ANXA11: variants seen among roughly 807,000 people sequenced by gnomAD.
The protein encoded by ANXA11 is annexin A11.
In ANXA11, 57 loss-of-function variants were observed where a neutral mutation model predicts 64.7. The observed-to-expected ratio is 0.88, with a 90% CI of 0.71 to 1.10. ANXA11 has a LOEUF of 1.10. ANXA11 is among the 50% of genes least tolerant of loss of function. ANXA11 has a pLI of 0.00. For missense variants in ANXA11, 675 were observed against 670.7 expected, an observed-to-expected ratio of 1.01 and a Z score of -0.07; for synonymous variants, 260 against 265.2, an observed-to-expected ratio of 0.98 and a Z score of 0.19.
rs1048673966 is a variant in ANXA11 at position 80,153,427 on chromosome 10, C to T, written c.*2426G>A. On this transcript the variant is annotated 3_prime_UTR_variant, in exon 16 of 16. Coordinates refer to ENST00000422982, the MANE Select transcript of ANXA11 (RefSeq NM_145868.2). ...ACTTTGGAAACCAAAGTAAATGTGT[C>T]TGTAGGTGCAATATTGCCTGCTGGG... is the stretch of plus-strand genomic sequence containing the variant. 2 of 152,246 alleles carry T rather than the reference C, an allele frequency of 1.3e-5. No homozygotes were observed. Among genetic ancestry groups the T allele is most frequent in the Non-Finnish European group, 2.9e-5 (2 of 68,046 alleles). The allele number at this position is 152,246 out of a possible 1,614,324, so 9.4% of individuals were successfully genotyped here. A position where few individuals can be genotyped will look rare whatever the true frequency, so the allele number is the denominator to read the frequency against.
At position 80,178,210 on chromosome 10, in the gene ANXA11, G is replaced by GCTCTCTCTCT. The variant is rs3060571; in HGVS notation, c.-57-2065_-57-2056dup. Among the ~76,000 whole-genome samples, 32 of 149,248 alleles carry GCTCTCTCTCT rather than the reference G, an allele frequency of 2.1e-4. 1 individual carries two copies. The highest frequency in any genetic ancestry group is 6.9e-4 in the African/African-American group (28 of 40,626). The stretch of plus-strand genomic sequence containing the variant: ...CAGTGAGCTATAATCCAGAAGATCT[G>GCTCTCTCTCT]CTCTCTCTCTCTCTCTCTCTCTCTG... On this transcript the variant is annotated intron_variant, in intron 1 of 15. Coordinates refer to ENST00000422982, the MANE Select transcript of ANXA11 (RefSeq NM_145868.2).
chr10:80,163,709 G>C, intron 9 of ANXA11, 96 bp from the exon 10 acceptor site: 1 of 1,178,422 alleles, frequency 8.5e-7, no homozygotes. Flanking sequence ...GGGAGAAAAA[G>C]GCTGGAGGTC....
intron 15 of ANXA11, among the ~76,000 whole-genome samples, chr10:80,156,141 C>T (rs1845266779): frequency 6.6e-6 from 1 of 152,350 alleles, no homozygotes; most frequent in Middle Eastern, 3.4e-3. Flanking sequence ...CAGCTATCCA[C>T]ATCAAATGAA....
chr10:80,181,004 G>A (rs1001758781), intron 1 of ANXA11: 1 of 152,214 alleles, frequency 6.6e-6, no homozygotes, highest in Non-Finnish European at 1.5e-5. Context: ...GCAGCCTCAC[G>A]ATCTTCTCAG....
At position 80,159,123 on chromosome 10, in the gene ANXA11, A is replaced by G. The variant is rs373734382; in HGVS notation, c.1253T>C (p.Leu418Pro). The G allele has an allele frequency of 6.2e-7, 1 of 1,613,966 alleles. No homozygotes were observed. Among genetic ancestry groups the G allele is most frequent in the African/African-American group, 1.3e-5 (1 of 74,916 alleles). Reference protein sequence around the residue: ...KSICREMSGDLEEGMLAVVKC... With the variant: ...KSICREMSGDPEEGMLAVVKC... ...ACCCACGGCCAGCATGCCCTCCTCC[A>G]GGTCCCCGGACATCTCCCGGCAGAT... Residue 418 changes from leucine to proline, a missense_variant, in exon 13 of 16, where the codon CTG (leucine) becomes CCG (proline). Leu to Pro is a moderately conservative substitution (Grantham distance 98, BLOSUM62 -3). Coordinates refer to ENST00000422982, the MANE Select transcript of ANXA11 (RefSeq NM_145868.2).
At chr10:80,172,730 T>C (rs1846026757) in intron 3 of ANXA11, 77 bp downstream of exon 3, 2 of 1,429,718 alleles carry the variant, frequency 1.4e-6, no homozygotes, top group East Asian at 2.3e-5. Context: ...GTGAGGAAAC[T>C]ACTGTTCTCC....
intron 5 of ANXA11, 41 bp downstream of exon 5, chr10:80,168,928 G>A: frequency 6.8e-7 from 1 of 1,471,440 alleles, no homozygotes; most frequent in Non-Finnish European, 9.0e-7. Context: ...AGCCTTTGGG[G>A]CCCAGGCCTG....
chr10:80,162,041 G>A lies in ANXA11; in HGVS notation c.1087-13C>T. ...CCGCATACAGCTCCTGGAGAGAGAGGAAGACGCACATGTGGCACAGGCCAC... is the reference window on the plus strand; with the variant it reads ...CCGCATACAGCTCCTGGAGAGAGAGAAAGACGCACATGTGGCACAGGCCAC... On this transcript the variant is annotated splice_polypyrimidine_tract_variant and intron_variant, in intron 11 of 15. Coordinates refer to ENST00000422982, the MANE Select transcript of ANXA11 (RefSeq NM_145868.2). 1 of 1,605,964 alleles carries A rather than the reference G, an allele frequency of 6.2e-7. No homozygotes were observed. Among genetic ancestry groups the A allele is most frequent in the Non-Finnish European group, 8.5e-7 (1 of 1,177,114 alleles).
At chr10:80,183,166 G>A (rs2132457837) in intron 1 of ANXA11, among the ~76,000 whole-genome samples, 2 of 152,332 alleles carry the variant, frequency 1.3e-5, no homozygotes, top group South Asian at 4.1e-4. Context: ...CTGGGCAGGA[G>A]AGAGGGAGGC....
intron 12 of ANXA11, among the ~76,000 whole-genome samples, chr10:80,160,776 C>A (rs750222206): frequency 2.0e-5 from 3 of 152,154 alleles, no homozygotes; most frequent in Non-Finnish European, 4.4e-5. Context: ...CCACACTCAG[C>A]AACCCAGCAG....
At chr10:80,178,726 G>A (rs1846257452) in intron 1 of ANXA11, among the ~76,000 whole-genome samples, 1 of 152,242 alleles carries the variant, frequency 6.6e-6, no homozygotes, top group Non-Finnish European at 1.5e-5. Context: ...TGCATTTCCA[G>A]TGGCTCCCAG....
chr10:80,163,498 G>A, intron 10 of ANXA11, 36 bp downstream of exon 10: 1 of 1,601,746 alleles, frequency 6.2e-7, no homozygotes, highest in Non-Finnish European at 8.5e-7. Context: ...GACTTCCATG[G>A]CTTGGGGGCC....
At chr10:80,179,414 C>A (rs1846279776) in intron 1 of ANXA11, among the ~76,000 whole-genome samples, 1 of 152,210 alleles carries the variant, frequency 6.6e-6, no homozygotes, top group Non-Finnish European at 1.5e-5. Context: ...AACCTCTTTT[C>A]TTTATAAATT....
At chr10:80,178,362 G>A (rs370134930) in intron 1 of ANXA11, among the ~76,000 whole-genome samples, 1 of 152,196 alleles carries the variant, frequency 6.6e-6, no homozygotes, top group African/African-American at 2.4e-5. Flanking sequence ...CCCGCTCTAC[G>A]CCTGCTTCTA....
At chr10:80,163,429 C>T in intron 10 of ANXA11, 24 bp from the exon 11 acceptor site, 2 of 1,614,078 alleles carry the variant, frequency 1.2e-6, no homozygotes. Context: ...GGTGTATGGT[C>T]ATGCCCACTC....
intron 5 of ANXA11, 77 bp downstream of exon 5, chr10:80,168,892 C>T: frequency 7.1e-7 from 1 of 1,406,398 alleles, no homozygotes; most frequent in African/African-American, 1.5e-5. Context: ...TTCCCTGTCT[C>T]CCCATCTACT....
intron 8 of ANXA11, among the ~76,000 whole-genome samples, chr10:80,165,125 G>T (rs372111479): frequency 6.6e-6 from 1 of 152,158 alleles, no homozygotes; most frequent in Non-Finnish European, 1.5e-5. Flanking sequence ...CTGGGGCCCC[G>T]GGCCATCGCC....
At chr10:80,180,504 A>C (rs972678876) in intron 1 of ANXA11, among the ~76,000 whole-genome samples, 8 of 149,102 alleles carry the variant, frequency 5.4e-5, no homozygotes, top group Non-Finnish European at 7.5e-5. Context: ...TCGGGCCAGA[A>C]GCCACACAGC....
At chr10:80,157,873 T>A in intron 14 of ANXA11, 94 bp downstream of exon 14, 1 of 1,589,602 alleles carries the variant, frequency 6.3e-7, no homozygotes, top group East Asian at 2.2e-5. Context: ...TCAGCTGAGA[T>A]TTAGCTCTCC....
Sources: gnomAD v4.1 joint callset for allele counts (sites outside exome capture counted in the v4.1 genomes callset) on GRCh38, gnomAD v4.1.1 for gene constraint, MANE v1.5 for transcripts, NCBI Gene and HGNC (gene_info 2026-07-23, HGNC 2026-07-21) for gene names.